Variants in CA13 observed in about 807,000 individuals in gnomAD.
CA13 encodes the protein carbonic anhydrase 13.
A neutral mutation model predicts 31.5 loss-of-function variants in CA13; 21 were observed. The observed-to-expected ratio is 0.67, with a 90% confidence interval of 0.47 to 0.96. The LOEUF (loss-of-function observed/expected upper bound fraction) is 0.96, where lower values mean the gene tolerates loss of function less well. Ranked by LOEUF, CA13 falls within the 40% of genes least tolerant of loss-of-function variation. The probability of loss-of-function intolerance (pLI) is 0.00; values close to 1 mark genes in which losing one functional copy is unlikely to be tolerated. For missense variants in CA13, 315 were observed against 318.9 expected (o/e 0.99, Z 0.09); for synonymous variants, 117 against 111.4 (o/e 1.05, Z -0.32).
intron 3 of CA13, among the ~76,000 whole-genome samples, chr8:85,259,754 A>G (rs1302632312): frequency 1.3e-5 from 2 of 152,242 alleles, no homozygotes; most frequent in South Asian, 2.1e-4. Context: ...GCTTAGGGTT[A>G]TATGTTCCCA....
rs540574779 is a variant in CA13 at position 85,245,975 on chromosome 8, T to C, written c.37+110T>C. On this transcript the variant is annotated intron_variant, in intron 1 of 6. Transcript: ENST00000321764. ...ACTGGGCTCGCACATTGAGAAACTT[T>C]TTCGGTTCCTCTTTAAACTAAGCAG... is the stretch of plus-strand genomic sequence containing the variant. The C allele has an allele frequency of 2.4e-6, 3 of 1,263,772 alleles. No individual in the cohort carries two copies. The South Asian group carries it at 3.6e-5, about 15-fold the overall frequency. 78.3% of individuals were successfully genotyped at this position (1,263,772 alleles called of 1,614,324 possible).
chr8:85,263,090 A>G (rs1304396426), intron 3 of CA13, among the ~76,000 whole-genome samples: 1 of 152,170 alleles, frequency 6.6e-6, no homozygotes, highest in African/African-American at 2.4e-5. Flanking sequence ...ATTAAGAGAA[A>G]AATCTAGAGA....
intron 4 of CA13, chr8:85,267,242 C>G (rs767920947): frequency 2.0e-6 from 2 of 988,226 alleles, no homozygotes; most frequent in Non-Finnish European, 2.4e-6. Flanking sequence ...ACACCCCATA[C>G]TCTCCATGTG....
chr8:85,272,176 C>A (rs1287864668), intron 6 of CA13, among the ~76,000 whole-genome samples: 1 of 152,154 alleles, frequency 6.6e-6, no homozygotes, highest in Non-Finnish European at 1.5e-5. Flanking sequence ...TGTGCTGTCA[C>A]TAGAATTTAA....
intron 1 of CA13, chr8:85,246,270 A>G (rs1402946035): frequency 1.9e-5 from 9 of 465,574 alleles, no homozygotes; most frequent in South Asian, 9.6e-5. Flanking sequence ...TAAGCTCACT[A>G]TTCACTTAGG....
intron 2 of CA13, 75 bp from the exon 3 acceptor site, chr8:85,259,346 G>A: frequency 1.7e-6 from 2 of 1,158,628 alleles, no homozygotes; most frequent in South Asian, 1.3e-5. Flanking sequence ...GAGTAATTCA[G>A]GGAGATGTTG....
intron 6 of CA13, among the ~76,000 whole-genome samples, chr8:85,276,183 G>T (rs925116307): frequency 6.6e-6 from 1 of 152,194 alleles, no homozygotes; most frequent in Non-Finnish European, 1.5e-5. Flanking sequence ...GCGGACCCCG[G>T]GCAGTTAGGG....
intron 2 of CA13, among the ~76,000 whole-genome samples, chr8:85,254,906 AG>A (rs1194685896): frequency 1.3e-5 from 2 of 151,634 alleles, no homozygotes; most frequent in African/African-American, 4.8e-5. Flanking sequence ...ATTTTTGACC[AG>A]GATTAACCCT....
At chr8:85,266,584 C>T in intron 3 of CA13, 24 bp from the exon 4 acceptor site, 1 of 1,561,810 alleles carries the variant, frequency 6.4e-7, no homozygotes, top group East Asian at 2.2e-5. Flanking sequence ...AACATTCCTA[C>T]TATGTTGTAT....
chr8:85,250,765 CCCTATTGCTGATGGTGATCAG>C lies in CA13; in HGVS notation c.65_85del (p.Pro22_Gln28del), dbSNP rs748846631. 6.2e-7 allele frequency: 1 copy of C among 1,612,742 alleles called. No individual in the cohort carries two copies. Among genetic ancestry groups the C allele is most frequent in the South Asian group, 1.1e-5 (1 of 90,944 alleles). ...GTCCTATTCACTGGAAGGAATTTTTCCCTATTGCTGATGGTGATCAGCAATCTCCAATTGAGATTAAAACCA... is the reference window on the plus strand; with the variant it reads ...GTCCTATTCACTGGAAGGAATTTTTCCAATCTCCAATTGAGATTAAAACCA... On this transcript the variant is annotated inframe_deletion, in exon 2 of 7. Coordinates refer to ENST00000321764, the MANE Select transcript of CA13 (RefSeq NM_198584.3).
intron 3 of CA13, among the ~76,000 whole-genome samples, chr8:85,261,482 G>A (rs951102678): frequency 4.6e-5 from 7 of 151,460 alleles, no homozygotes; most frequent in African/African-American, 1.2e-4. Context: ...GCTAGAATGC[G>A]ATGGTGCGAT....
At chr8:85,247,198 T>G (rs2129937938) in intron 1 of CA13, among the ~76,000 whole-genome samples, 1 of 152,336 alleles carries the variant, frequency 6.6e-6, no homozygotes. Flanking sequence ...TTTCCCTCTC[T>G]GCTGAAGTCG....
At chr8:85,251,132 A>G (rs1813821084) in intron 2 of CA13, among the ~76,000 whole-genome samples, 195 bp downstream of exon 2, 1 of 151,254 alleles carries the variant, frequency 6.6e-6, no homozygotes, top group Admixed American at 6.6e-5. Flanking sequence ...CTCCCGAGTA[A>G]CTGGGATTAC....
intron 6 of CA13, among the ~76,000 whole-genome samples, chr8:85,270,367 G>T (rs1807513232): frequency 6.6e-6 from 1 of 151,956 alleles, no homozygotes; most frequent in South Asian, 2.1e-4. Context: ...TCTCCTTGTT[G>T]ACCTTGTCTT....
intron 6 of CA13, among the ~76,000 whole-genome samples, chr8:85,276,919 C>T (rs1018817758): frequency 1.8e-4 from 28 of 152,192 alleles, no homozygotes; most frequent in African/African-American, 6.5e-4. Flanking sequence ...CAATCAGCAC[C>T]CTGTGTCTAG....
chr8:85,269,159 T>A (rs1196235077), intron 6 of CA13, among the ~76,000 whole-genome samples: 1 of 152,174 alleles, frequency 6.6e-6, no homozygotes, highest in Non-Finnish European at 1.5e-5. Context: ...TAAAAGGTAG[T>A]TAAGTGGGTA....
chr8:85,268,914 G>A (rs886755139), intron 6 of CA13, among the ~76,000 whole-genome samples: 3 of 152,134 alleles, frequency 2.0e-5, no homozygotes, highest in Non-Finnish European at 2.9e-5. Context: ...CTGTTTGTTT[G>A]ATATGGGGAT....
chr8:85,282,530 T>G lies in CA13; in HGVS notation c.*1181T>G, dbSNP rs1807723422. 6.6e-6 allele frequency: 1 copy of G among 152,258 alleles called. No homozygotes were observed. Among genetic ancestry groups the G allele is most frequent in the South Asian group, 2.1e-4 (1 of 4,830 alleles). The allele number at this position is 152,258 out of a possible 1,614,324, so 9.4% of individuals were successfully genotyped here. On this transcript the variant is annotated 3_prime_UTR_variant, in exon 7 of 7. Coordinates refer to ENST00000321764, the MANE Select transcript of CA13 (RefSeq NM_198584.3). ...TTGGCAGCAAAGCAGGAAGCAATTT[T>G]GTGTGGGTCATTGTTCTGTCAATTT... is the stretch of plus-strand genomic sequence containing the variant.
At chr8:85,247,269 A>G (rs1813749073) in intron 1 of CA13, among the ~76,000 whole-genome samples, 1 of 152,172 alleles carries the variant, frequency 6.6e-6, no homozygotes, top group African/African-American at 2.4e-5. Flanking sequence ...GTAGTTAGGA[A>G]GAAGAAGGGT....
Sources: gnomAD v4.1 joint callset for allele counts (sites outside exome capture counted in the v4.1 genomes callset) on GRCh38, gnomAD v4.1.1 for gene constraint, MANE v1.5 for transcripts, NCBI Gene and HGNC (gene_info 2026-07-23, HGNC 2026-07-21) for gene names.